The following GSG1L variants were observed in gnomAD, a reference collection of about 807,000 sequenced individuals.
GSG1L encodes the protein germ cell-specific gene 1-like protein.
GSG1L carries 24 observed loss-of-function variants against 42.1 expected under a neutral mutation model. That is an observed-to-expected ratio of 0.57 (90% CI 0.41 to 0.80). GSG1L has a LOEUF of 0.80. Ranked by LOEUF, GSG1L falls within the 30% of genes least tolerant of loss-of-function variation. The pLI, the probability that GSG1L is intolerant of heterozygous loss-of-function variation, is 0.00. For synonymous variants in GSG1L, 215 were observed against 203.5 expected, an observed-to-expected ratio of 1.06 and a Z score of -0.48; for missense variants, 445 against 472.2, an observed-to-expected ratio of 0.94 and a Z score of 0.53.
At chr16:27,942,387 T>G (rs1281580244) in intron 2 of GSG1L, among the ~76,000 whole-genome samples, 1 of 71,348 alleles carries the variant, frequency 1.4e-5, no homozygotes, top group Non-Finnish European at 3.3e-5. Flanking sequence ...TGACCTCAGG[T>G]GATCCACTTG....
intron 4 of GSG1L, among the ~76,000 whole-genome samples, chr16:27,838,224 C>T (rs183571564): frequency 7.0e-4 from 106 of 152,294 alleles, no homozygotes; most frequent in South Asian, 6.2e-4. Flanking sequence ...TCAGTAAATA[C>T]TTGTGGAATG....
chr16:27,887,997 C>T (rs989236264), intron 2 of GSG1L: 12 of 631,910 alleles, frequency 1.9e-5, no homozygotes, highest in African/African-American at 7.9e-5. Context: ...ATTCAGAGAG[C>T]GCTGAGCCTG....
chr16:28,013,386 G>A (rs1371579832), intron 1 of GSG1L, among the ~76,000 whole-genome samples: 2 of 61,788 alleles, frequency 3.2e-5, no homozygotes, highest in African/African-American at 4.3e-5. Context: ...AGGAGGAAGA[G>A]ATGGCATGTG....
chr16:28,060,170 T>C (rs2086324554), intron 1 of GSG1L, among the ~76,000 whole-genome samples: 1 of 146,870 alleles, frequency 6.8e-6, no homozygotes, highest in Non-Finnish European at 1.5e-5. Context: ...TGTATAGGGG[T>C]GGGGGAGGCG....
At chr16:27,801,417 A>G (rs1168654646) in intron 6 of GSG1L, among the ~76,000 whole-genome samples, 1 of 152,206 alleles carries the variant, frequency 6.6e-6, no homozygotes, top group Non-Finnish European at 1.5e-5. Context: ...GCACACAGTA[A>G]GTGTTTAATA....
intron 3 of GSG1L, chr16:27,850,521 A>G: frequency 2.2e-6 from 1 of 455,838 alleles, no homozygotes; most frequent in Non-Finnish European, 4.4e-6. Flanking sequence ...GGGTCCCAGG[A>G]TGAAGCCAAC....
chr16:27,903,644 T>A (rs754428487), intron 2 of GSG1L, among the ~76,000 whole-genome samples: 9 of 152,150 alleles, frequency 5.9e-5, no homozygotes, highest in Non-Finnish European at 1.2e-4. Context: ...ATGCCCCCCC[T>A]TGGGGCCCTG....
chr16:27,904,400 G>T (rs1326438473), intron 2 of GSG1L, among the ~76,000 whole-genome samples: 1 of 152,112 alleles, frequency 6.6e-6, no homozygotes, highest in African/African-American at 2.4e-5. Context: ...TCACTTCTCA[G>T]TGATGTCTTC....
intron 5 of GSG1L, among the ~76,000 whole-genome samples, chr16:27,820,262 G>A (rs1364092192): frequency 2.0e-5 from 3 of 152,178 alleles, no homozygotes; most frequent in African/African-American, 7.2e-5. Context: ...CCTCGGCCAC[G>A]TGGCCATGGA....
At chr16:27,988,518 A>G (rs1281008164) in intron 1 of GSG1L, among the ~76,000 whole-genome samples, 1 of 152,138 alleles carries the variant, frequency 6.6e-6, no homozygotes, top group Non-Finnish European at 1.5e-5. Context: ...GTAAGAAAAA[A>G]GTAGAAAAAA....
At chr16:27,910,321 A>T (rs76057023) in intron 2 of GSG1L, among the ~76,000 whole-genome samples, 4,953 of 152,228 alleles carry the variant, frequency 0.033, 124 homozygotes, top group African/African-American at 0.061. Context: ...GGACAAATGT[A>T]GTATTCAAGA....
intron 2 of GSG1L, among the ~76,000 whole-genome samples, chr16:27,947,576 A>T (rs146617292): frequency 2.2e-5 from 2 of 89,044 alleles, no homozygotes; most frequent in African/African-American, 8.0e-5. Flanking sequence ...AAAGAAAGAA[A>T]GAAAGAAAGA....
At chr16:27,837,158 G>A (rs1239790126) in intron 4 of GSG1L, among the ~76,000 whole-genome samples, 1 of 152,198 alleles carries the variant, frequency 6.6e-6, no homozygotes, top group Non-Finnish European at 1.5e-5. Flanking sequence ...AGAAGGTGAA[G>A]AGGAAGCAGG....
At chr16:28,041,180 C>G (rs2086101553) in intron 1 of GSG1L, among the ~76,000 whole-genome samples, 1 of 152,086 alleles carries the variant, frequency 6.6e-6, no homozygotes, top group Non-Finnish European at 1.5e-5. Flanking sequence ...TCTGGGTGTG[C>G]TGGCTCACAC....
chr16:27,841,757 C>T (rs2083383842), intron 4 of GSG1L, among the ~76,000 whole-genome samples: 1 of 152,164 alleles, frequency 6.6e-6, no homozygotes, highest in South Asian at 2.1e-4. Context: ...AGTGGGAATT[C>T]GGTGCCCCTT....
intron 1 of GSG1L, among the ~76,000 whole-genome samples, chr16:28,061,977 G>T (rs949316228): frequency 6.6e-6 from 1 of 152,216 alleles, no homozygotes; most frequent in African/African-American, 2.4e-5. Flanking sequence ...TAGGCCACTG[G>T]CTTATTTAGG....
At chr16:28,056,838 G>C (rs980147081) in intron 1 of GSG1L, among the ~76,000 whole-genome samples, 1 of 152,094 alleles carries the variant, frequency 6.6e-6, no homozygotes, top group African/African-American at 2.4e-5. Flanking sequence ...TACGCAGTGG[G>C]TATGACCTCG....
intron 1 of GSG1L, among the ~76,000 whole-genome samples, chr16:28,050,893 C>T (rs6498063): frequency 2.6e-3 from 396 of 152,230 alleles, no homozygotes; most frequent in African/African-American, 8.7e-3. Flanking sequence ...AAGGACTGTC[C>T]GCTTTGTCCC....
rs879647684 is a variant in GSG1L at position 27,946,656 on chromosome 16, A to AAAGAG, written c.397+16499_397+16500insCTCTT. On this transcript the variant is annotated intron_variant, in intron 2 of 6. Transcript: ENST00000447459. Reference sequence around the variant, plus strand: ...GAAAGAAAGAAAGAAAGAAAGAAAGAAAAGAAAGAAAGAAAGAAAGAAAGA... The same window carrying AAAGAG: ...GAAAGAAAGAAAGAAAGAAAGAAAGAAAGAGAAAGAAAGAAAGAAAGAAAGAAAGA... 3.3e-4 allele frequency among the ~76,000 whole-genome samples: 9 copies of AAAGAG among 27,388 alleles called. 2 individuals carry two copies. The highest frequency in any genetic ancestry group is 6.0e-4 in the Non-Finnish European group (9 of 15,058). The allele number at this position is 27,388 out of a possible 152,430, so 18.0% of individuals were successfully genotyped here.
Sources: allele counts gnomAD v4.1 joint callset (sites outside exome capture counted in the v4.1 genomes callset), GRCh38; gene constraint gnomAD v4.1.1; transcripts MANE v1.5; gene names NCBI Gene and HGNC (gene_info 2026-07-23, HGNC 2026-07-21).